Variants in LRRIQ1 observed in about 807,000 individuals in gnomAD.
LRRIQ1 encodes leucine-rich repeat- and IQ domain-containing protein 1.
LRRIQ1 carries 210 observed loss-of-function variants against 211.9 expected under a neutral mutation model. The ratio of observed to expected loss-of-function variants is 0.99; its 90% CI spans 0.89 to 1.11. The LOEUF is 1.11. Among genes scored for constraint, LRRIQ1 ranks in the 50% most tolerant of loss-of-function variants. The probability of loss-of-function intolerance (pLI) is 0.00; values close to 1 mark genes in which losing one functional copy is unlikely to be tolerated. For synonymous variants in LRRIQ1, 699 were observed against 650.1 expected (o/e 1.08, Z -1.14); for missense variants, 2,136 against 1,939.5 (o/e 1.10, Z -1.90).
downstream of LRRIQ1, among the ~76,000 whole-genome samples, chr12:85,269,171 T>C (rs374278641): frequency 6.6e-5 from 10 of 151,852 alleles, no homozygotes; most frequent in South Asian, 1.2e-3. Context: ...TACCGGAAAT[T>C]AGTGGAAAAT....
At position 85,238,807 on chromosome 12, in the gene LRRIQ1, A is replaced by G. The variant is rs140937029; in HGVS notation, c.5017-5982A>G. Among the ~76,000 whole-genome samples the G allele has an allele frequency of 2.3e-4, 35 of 152,222 alleles. No homozygotes were observed. The East Asian group carries it at 6.8e-3, about 29-fold the overall frequency. On this transcript the variant is annotated intron_variant, in intron 26 of 26. Coordinates refer to ENST00000393217, the MANE Select transcript of LRRIQ1 (RefSeq NM_001079910.2). ...ATCTAATATCAGGAACAAGGCAAGA[A>G]AATCTGATTGGAAAAGAAAACCATC...
chr12:85,265,875 A>G (rs1331365362), downstream of LRRIQ1, among the ~76,000 whole-genome samples: 1 of 152,196 alleles, frequency 6.6e-6, no homozygotes, highest in East Asian at 1.9e-4. Flanking sequence ...GTAAAATAAT[A>G]TAGAAAGGGT....
chr12:85,165,642 T>C (rs1192371551), intron 24 of LRRIQ1, among the ~76,000 whole-genome samples: 1 of 151,784 alleles, frequency 6.6e-6, no homozygotes, highest in Non-Finnish European at 1.5e-5. Flanking sequence ...CCAGCTAATT[T>C]CTTTTGTATT....
intron 13 of LRRIQ1, among the ~76,000 whole-genome samples, chr12:85,102,032 G>A (rs1351327419): frequency 6.6e-6 from 1 of 151,562 alleles, no homozygotes; most frequent in African/African-American, 2.4e-5. Flanking sequence ...CACTGGAAGG[G>A]TGAAGAGTTA....
In LRRIQ1 at chr12:85,197,978, AATTAT is replaced by A. The variant is rs1327117353; in HGVS notation, c.4823-31531_4823-31527del. Among the ~76,000 whole-genome samples, 18 of 105,476 alleles carry A rather than the reference AATTAT, an allele frequency of 1.7e-4. No homozygotes were observed. The East Asian group carries it at 2.7e-3, about 16-fold the overall frequency. 69.2% of individuals were successfully genotyped at this position (105,476 alleles called of 152,430 possible). A position where few individuals can be genotyped will look rare whatever the true frequency, so the allele number is the denominator to read the frequency against. On this transcript the variant is annotated intron_variant, in intron 24 of 26. Coordinates refer to ENST00000393217, the MANE Select transcript of LRRIQ1 (RefSeq NM_001079910.2). The stretch of plus-strand genomic sequence containing the variant: ...TTATATATTATATATAAATATATAT[AATTAT>A]ATTATATATTATATATAACATATAT...
intron 11 of LRRIQ1, among the ~76,000 whole-genome samples, chr12:85,076,809 G>A (rs1883714098): frequency 6.6e-6 from 1 of 150,532 alleles, no homozygotes; most frequent in African/African-American, 2.4e-5. Context: ...TCCACTAGAT[G>A]GTGCTAGCTT....
At chr12:85,204,729 T>C (rs910683261) in intron 24 of LRRIQ1, among the ~76,000 whole-genome samples, 46 of 137,984 alleles carry the variant, frequency 3.3e-4, no homozygotes, top group Admixed American at 1.4e-4. Context: ...CCAATATCTG[T>C]ACCCCCATTG....
intron 26 of LRRIQ1, among the ~76,000 whole-genome samples, chr12:85,235,650 G>A (rs1360355864): frequency 6.6e-6 from 1 of 152,148 alleles, no homozygotes; most frequent in Non-Finnish European, 1.5e-5. Context: ...AGTTTTCTCA[G>A]TGACTATCTC....
At chr12:85,066,641 T>C (rs1000175891) in intron 9 of LRRIQ1, 107 bp from the exon 10 acceptor site, 149 of 752,830 alleles carry the variant, frequency 2.0e-4, no homozygotes, top group Non-Finnish European at 2.7e-4. Flanking sequence ...GATTCAGATA[T>C]TAATTTGGAG....
chr12:85,263,664 G>C (rs1272616220), exon 2 of LRRIQ1: 2 of 151,870 alleles, frequency 1.3e-5, no homozygotes, highest in African/African-American at 2.4e-5. Context: ...TATTTTATCT[G>C]TAACGTCAGA....
At chr12:85,236,500 G>T (rs1205558431) in intron 26 of LRRIQ1, among the ~76,000 whole-genome samples, 1 of 151,962 alleles carries the variant, frequency 6.6e-6, no homozygotes, top group African/African-American at 2.4e-5. Flanking sequence ...TGAGAGGAAT[G>T]AAAATGAAAA....
At chr12:85,269,977 A>G in the LRRIQ1 span, among the ~76,000 whole-genome samples, 1 of 151,950 alleles carries the variant, frequency 6.6e-6, no homozygotes, top group African/African-American at 2.4e-5. Context: ...ATATCTTCAC[A>G]TATCTGGGAG....
At chr12:85,154,660 T>G (rs570626475) in intron 23 of LRRIQ1, among the ~76,000 whole-genome samples, 9 of 151,370 alleles carry the variant, frequency 5.9e-5, no homozygotes, top group Non-Finnish European at 1.3e-4. Context: ...TCTAATCATT[T>G]TAGTGTAATT....
chr12:85,254,236 G>A (rs896872788), intron 1 of LRRIQ1, among the ~76,000 whole-genome samples: 43 of 152,000 alleles, frequency 2.8e-4, no homozygotes, highest in African/African-American at 9.9e-4. Flanking sequence ...GCAGAACCAC[G>A]AGCCAATTAA....
chr12:85,133,058 G>C (rs1259874133), intron 18 of LRRIQ1, among the ~76,000 whole-genome samples: 1 of 151,852 alleles, frequency 6.6e-6, no homozygotes, highest in African/African-American at 2.4e-5. Flanking sequence ...CTTATTTGTT[G>C]AACTAAGTGA....
chr12:85,074,004 A>G (rs1475760734), intron 11 of LRRIQ1, among the ~76,000 whole-genome samples: 1 of 152,066 alleles, frequency 6.6e-6, no homozygotes, highest in Non-Finnish European at 1.5e-5. Context: ...AAGCAATACC[A>G]CAATATTTCA....
chr12:85,142,065 T>C (rs1889582956), intron 19 of LRRIQ1, among the ~76,000 whole-genome samples: 1 of 151,436 alleles, frequency 6.6e-6, no homozygotes, highest in African/African-American at 2.4e-5. Flanking sequence ...TCTAAATATT[T>C]ATCTTCTCTA....
chr12:85,189,160 A>G (rs1274070006), intron 24 of LRRIQ1, among the ~76,000 whole-genome samples: 1 of 152,154 alleles, frequency 6.6e-6, no homozygotes, highest in East Asian at 1.9e-4. Context: ...ATGCCAAGAT[A>G]TGCTCCTGTT....
rs186983571 is a variant in LRRIQ1, at chr12:85,242,187, A to T, written c.5017-2602A>T. On this transcript the variant is annotated intron_variant, in intron 26 of 26. Transcript: ENST00000393217. ...GATTATTATATTATAACCATAAAAAATATTGCACTATTTTGGAATCCAACA... is the reference window on the plus strand; with the variant it reads ...GATTATTATATTATAACCATAAAAATTATTGCACTATTTTGGAATCCAACA... 1.4e-3 allele frequency among the ~76,000 whole-genome samples: 208 copies of T among 152,156 alleles called. 2 individuals are homozygous for T. The highest frequency in any genetic ancestry group is 4.4e-4 in the Non-Finnish European group (30 of 67,932).
Sources: gnomAD v4.1 joint callset for allele counts (sites outside exome capture counted in the v4.1 genomes callset) on GRCh38, gnomAD v4.1.1 for gene constraint, MANE v1.5 for transcripts, NCBI Gene and HGNC (gene_info 2026-07-23, HGNC 2026-07-21) for gene names.